ZNF710: variants seen among roughly 807,000 people sequenced by gnomAD.
The protein encoded by ZNF710 is zinc finger protein 710.
Under a neutral mutation model 50.6 loss-of-function variants are expected in ZNF710, and 13 were observed. That is an observed-to-expected ratio of 0.26 (90% CI 0.17 to 0.41). ZNF710 has a LOEUF of 0.41. Ranked by LOEUF, ZNF710 falls within the 10% of genes least tolerant of loss-of-function variation. The pLI is 1.00. For missense variants in ZNF710, 721 were observed against 936.6 expected, an observed-to-expected ratio of 0.77 and a Z score of 3.01; for synonymous variants, 383 against 397.0, an observed-to-expected ratio of 0.96 and a Z score of 0.42.
chr15:89,998,401 G>T (rs1036032352), upstream of ZNF710, among the ~76,000 whole-genome samples: 2 of 152,102 alleles, frequency 1.3e-5, no homozygotes, highest in Non-Finnish European at 2.9e-5. Context: ...GATCAGGCTG[G>T]GCCTTGATAA....
chr15:90,016,095 A>G (rs1314872648), intron 1 of ZNF710, among the ~76,000 whole-genome samples: 1 of 152,156 alleles, frequency 6.6e-6, no homozygotes, highest in Non-Finnish European at 1.5e-5. Context: ...CTGACTTTTC[A>G]TGGTGTATCT....
At chr15:90,072,679 C>T (rs1232549089) in intron 2 of ZNF710, among the ~76,000 whole-genome samples, 4 of 152,162 alleles carry the variant, frequency 2.6e-5, no homozygotes, top group South Asian at 2.1e-4. Flanking sequence ...AGACCCCTGC[C>T]GCCTAGTGTG....
chr15:90,068,473 T>C lies in ZNF710; in HGVS notation c.1336T>C (p.Tyr446His). 2 of 1,614,126 alleles carry C rather than the reference T, an allele frequency of 1.2e-6. No individual in the cohort carries two copies. The highest frequency in any genetic ancestry group is 1.7e-6 in the Non-Finnish European group (2 of 1,180,048). Residue 446 changes from tyrosine (Y) to histidine (H), a missense_variant, in exon 2 of 5, where the codon TAC (tyrosine) becomes CAC (histidine). This residue lies in a region of ZNF710 where 326 missense variants were observed against 522.0 expected (regional missense o/e 0.62). Coordinates refer to ENST00000268154, the MANE Select transcript of ZNF710 (RefSeq NM_198526.4). This position sits in a 1 kb window ranked among gnomAD's most constrained non-coding sequence, Gnocchi z 5.0. The part of the protein sequence containing the change: ...QCLECDKSFH[Y>H]RSQLQNHMLK... The stretch of plus-strand genomic sequence containing the variant: ...CCTCGAGTGTGACAAGTCCTTCCAC[T>C]ACCGCAGCCAGTTGCAGAACCACAT...
At position 90,034,190 on chromosome 15, in the gene ZNF710, T is replaced by G. The variant is rs575895610; in HGVS notation, c.-29+32576T>G. ...TCCAGCCTGGGTGACAGAGTGAGAC[T>G]CTGTCTCAAAAAAAAAGAAAAGAAA... On this transcript the variant is annotated intron_variant, in intron 1 of 4. Transcript: ENST00000268154. The surrounding 1 kb of genome is among the most constrained non-coding windows in gnomAD (Gnocchi z 4.0). Among the ~76,000 whole-genome samples, 22 of 148,938 alleles carry G rather than the reference T, an allele frequency of 1.5e-4. No individual in the cohort carries two copies. The highest frequency in any genetic ancestry group is 1.1e-3 in the Admixed American group (17 of 15,034).
intron 1 of ZNF710, among the ~76,000 whole-genome samples, chr15:90,007,996 C>T (rs1898182060): frequency 6.6e-6 from 1 of 151,916 alleles, no homozygotes; most frequent in Non-Finnish European, 1.5e-5. Context: ...TGCTGCCGCA[C>T]CAAAGGCTAA....
chr15:90,053,152 C>T (rs1186772604), intron 1 of ZNF710, among the ~76,000 whole-genome samples: 1 of 152,146 alleles, frequency 6.6e-6, no homozygotes, highest in Non-Finnish European at 1.5e-5. Context: ...AATTTAGAAA[C>T]ATAGAAGAGT....
At chr15:90,011,486 T>C (rs1206303041) in intron 1 of ZNF710, among the ~76,000 whole-genome samples, 1 of 152,254 alleles carries the variant, frequency 6.6e-6, no homozygotes, top group Non-Finnish European at 1.5e-5. Flanking sequence ...GAATGCTTTA[T>C]ATAAAGTCAC....
chr15:90,049,652 C>T (rs1899576455), intron 1 of ZNF710, among the ~76,000 whole-genome samples: 1 of 152,160 alleles, frequency 6.6e-6, no homozygotes, highest in African/African-American at 2.4e-5. Flanking sequence ...ACGTTGGGTA[C>T]CCTCCCCTGT....
chr15:90,059,059 G>A lies in ZNF710; in HGVS notation c.-28-8051G>A, dbSNP rs1034339638. On this transcript the variant is annotated intron_variant, in intron 1 of 4. Coordinates refer to ENST00000268154, the MANE Select transcript of ZNF710 (RefSeq NM_198526.4). The surrounding 1 kb of genome is among the most constrained non-coding windows in gnomAD (Gnocchi z 4.1). ...CCGGGCACCATAGCTTAGCCAAGAT[G>A]ACGCATATGATTTACCACGACAGTG... Among the ~76,000 whole-genome samples the A allele has an allele frequency of 6.6e-6, 1 of 152,220 alleles. No homozygotes were observed. The highest frequency in any genetic ancestry group is 1.5e-5 in the Non-Finnish European group (1 of 68,042).
chr15:90,019,934 A>G lies in ZNF710; in HGVS notation c.-29+18320A>G, dbSNP rs545504355. Among the ~76,000 whole-genome samples, 14 of 152,118 alleles carry G rather than the reference A, an allele frequency of 9.2e-5. No homozygotes were observed. The South Asian group carries it at 2.9e-3, about 32-fold the overall frequency. On this transcript the variant is annotated intron_variant, in intron 1 of 4. Coordinates refer to ENST00000268154, the MANE Select transcript of ZNF710 (RefSeq NM_198526.4). ...ACAAACATCCTGCCCTAATCCAGAG[A>G]CTAGGTTGGTGCTTATTGGGGGGCG... is the stretch of plus-strand genomic sequence containing the variant.
intron 4 of ZNF710, 127 bp from the exon 5 acceptor site, chr15:90,079,533 A>G (rs1900671402): frequency 8.4e-7 from 1 of 1,183,900 alleles, no homozygotes; most frequent in African/African-American, 1.6e-5. Context: ...GCTGAGAGGC[A>G]GCTGAGACTC....
intron 1 of ZNF710, among the ~76,000 whole-genome samples, chr15:90,054,047 T>A (rs1453679838): frequency 1.3e-5 from 2 of 152,278 alleles, no homozygotes; most frequent in East Asian, 3.9e-4. Context: ...CTTTTCTTTT[T>A]TATTTTTAAG....
At chr15:90,071,679 C>CT (rs762551098) in intron 2 of ZNF710, among the ~76,000 whole-genome samples, 238 of 95,226 alleles carry the variant, frequency 2.5e-3, no homozygotes, top group Middle Eastern at 0.011. Flanking sequence ...TATTTTTACT[C>CT]TTTTTTTTTT....
In ZNF710 at chr15:90,002,833, A is replaced by G. The variant is rs375100171; in HGVS notation, c.-29+1219A>G. Reference sequence around the variant, plus strand: ...AAAGGGTCATTCATGTATCTCTAGGATTTGCGAGACGGTTAGGGCAAGGCG... The same window carrying G: ...AAAGGGTCATTCATGTATCTCTAGGGTTTGCGAGACGGTTAGGGCAAGGCG... On this transcript the variant is annotated intron_variant, in intron 1 of 4. Coordinates refer to ENST00000268154, the MANE Select transcript of ZNF710 (RefSeq NM_198526.4). 9.2e-5 allele frequency among the ~76,000 whole-genome samples: 14 copies of G among 152,212 alleles called. 1 individual carries two copies. In the South Asian group the frequency reaches 1.5e-3, roughly 16 times the overall value.
intron 1 of ZNF710, among the ~76,000 whole-genome samples, chr15:90,018,079 G>T (rs1223496098): frequency 1.3e-5 from 2 of 151,798 alleles, no homozygotes; most frequent in East Asian, 3.9e-4. Flanking sequence ...AAACTTCTGT[G>T]TAACATCAGC....
intron 1 of ZNF710, among the ~76,000 whole-genome samples, chr15:90,031,422 C>G (rs1318480343): frequency 6.6e-6 from 1 of 152,160 alleles, no homozygotes; most frequent in East Asian, 1.9e-4. Context: ...AGCAAGATCC[C>G]CGGGTGATTC....
At chr15:90,008,515 G>T (rs759956010) in intron 1 of ZNF710, among the ~76,000 whole-genome samples, 24 of 148,110 alleles carry the variant, frequency 1.6e-4, no homozygotes, top group Non-Finnish European at 3.0e-4. Context: ...GGGCACAGTG[G>T]CTCATGCCTG....
At position 90,068,105 on chromosome 15, in the gene ZNF710, ACT is replaced by A; in HGVS notation, c.970_971del (p.Ser324ValfsTer78). The A allele has an allele frequency of 6.2e-7, 1 of 1,614,178 alleles. No individual in the cohort carries two copies. Among genetic ancestry groups the A allele is most frequent in the Non-Finnish European group, 8.5e-7 (1 of 1,180,024 alleles). ...CTGGGCCACAACGGCATCAAGCCAC[ACT>A]CGTGCCCACACTGCAGCAAGCTCTT... On this transcript the variant is annotated frameshift_variant, in exon 2 of 5. Coordinates refer to ENST00000268154, the MANE Select transcript of ZNF710 (RefSeq NM_198526.4). LOFTEE classifies it high-confidence loss of function. This position sits in a 1 kb window ranked among gnomAD's most constrained non-coding sequence, Gnocchi z 5.0.
In ZNF710 at chr15:90,034,202, AAAAAGAAAAG is replaced by A. The variant is rs60950814; in HGVS notation, c.-29+32608_-29+32617del. Reference sequence around the variant, plus strand: ...GACAGAGTGAGACTCTGTCTCAAAAAAAAAGAAAAGAAAAGAAAAGAAAAGAAAACAGGTG... The same window carrying A: ...GACAGAGTGAGACTCTGTCTCAAAAAAAAAGAAAAGAAAAGAAAACAGGTG... On this transcript the variant is annotated intron_variant, in intron 1 of 4. Coordinates refer to ENST00000268154, the MANE Select transcript of ZNF710 (RefSeq NM_198526.4). The surrounding 1 kb of genome is among the most constrained non-coding windows in gnomAD (Gnocchi z 4.0). Among the ~76,000 whole-genome samples the A allele has an allele frequency of 1.7e-4, 25 of 151,126 alleles. No individual in the cohort carries two copies. Among genetic ancestry groups the A allele is most frequent in the Admixed American group, 9.2e-4 (14 of 15,158 alleles).
Sources: allele counts gnomAD v4.1 joint callset (sites outside exome capture counted in the v4.1 genomes callset), GRCh38; gene constraint gnomAD v4.1.1; regional missense constraint gnomAD v4.1.1; non-coding constraint Gnocchi (gnomAD v3.1); transcripts MANE v1.5; gene names NCBI Gene and HGNC (gene_info 2026-07-23, HGNC 2026-07-21).